The following TNNI1 variants were observed in gnomAD, a reference collection of about 807,000 sequenced individuals.
TNNI1 encodes troponin I, slow skeletal muscle.
A neutral mutation model predicts 26.7 loss-of-function variants in TNNI1; 14 were observed. The ratio of observed to expected loss-of-function variants is 0.52; its 90% CI spans 0.35 to 0.82. The LOEUF is 0.82. Ranked by LOEUF, TNNI1 falls within the 40% of genes least tolerant of loss-of-function variation. The pLI, the probability that TNNI1 is intolerant of heterozygous loss-of-function variation, is 0.01. For synonymous variants in TNNI1, 79 were observed against 98.2 expected (o/e 0.80, Z 1.16); for missense variants, 164 against 257.0 (o/e 0.64, Z 2.47).
chr1:201,417,692 G>T, intron 2 of TNNI1, 91 bp downstream of exon 2: 2 of 1,167,616 alleles, frequency 1.7e-6, no homozygotes, highest in Non-Finnish European at 2.2e-6. Context: ...AGCTTTGGGG[G>T]TTGAAAACAT....
chr1:201,419,981 C>T (rs536314797), intron 1 of TNNI1, among the ~76,000 whole-genome samples: 37 of 152,320 alleles, frequency 2.4e-4, no homozygotes, highest in South Asian at 1.7e-3. Context: ...CACCAGCTGG[C>T]GAAGAGCCAC....
In TNNI1 at chr1:201,415,575, A is replaced by AC. The variant is rs5780068; in HGVS notation, c.16-322dup. ...CTCATCTGTAAATAAGGATATTAGG[A>AC]CCCCCCCCCTTACTTAGTTCACAGA... On this transcript the variant is annotated intron_variant, in intron 3 of 8. Transcript: ENST00000361379. 5.9e-3 allele frequency among the ~76,000 whole-genome samples: 893 copies of AC among 151,164 alleles called. 6 individuals are homozygous for AC. Among genetic ancestry groups the AC allele is most frequent in the African/African-American group, 0.02 (834 of 41,070 alleles).
chr1:201,406,070 G>A lies in TNNI1; in HGVS notation c.*3183C>T, dbSNP rs1409368275. On this transcript the variant is annotated 3_prime_UTR_variant, in exon 9 of 9. Coordinates refer to ENST00000361379, the MANE Select transcript of TNNI1 (RefSeq NM_003281.4). ...TGGGGACTCCCCAGGTGCATATGCA[G>A]GACCCTCGACCCCCAGCTGTGTCCT... 1 of 152,346 alleles carries A rather than the reference G, an allele frequency of 6.6e-6. No individual in the cohort carries two copies. Among genetic ancestry groups the A allele is most frequent in the East Asian group, 1.9e-4 (1 of 5,188 alleles). 9.4% of individuals were successfully genotyped at this position (152,346 alleles called of 1,614,324 possible). A position where few individuals can be genotyped will look rare whatever the true frequency, so the allele number is the denominator to read the frequency against.
At chr1:201,417,711 C>A in intron 2 of TNNI1, 72 bp downstream of exon 2, 9 of 1,265,404 alleles carry the variant, frequency 7.1e-6, no homozygotes, top group African/African-American at 1.5e-5. Flanking sequence ...ATGGTGCCTC[C>A]ACTGCGGGGC....
intron 8 of TNNI1, 112 bp downstream of exon 8, chr1:201,410,214 A>C (rs1276775421): frequency 2.3e-6 from 2 of 863,214 alleles, no homozygotes; most frequent in Non-Finnish European, 1.9e-6. Flanking sequence ...TCGGTGCCTT[A>C]GTCCGTGCAT....
At chr1:201,410,258 A>T in intron 8 of TNNI1, 68 bp downstream of exon 8, 1 of 1,418,248 alleles carries the variant, frequency 7.1e-7, no homozygotes, top group African/African-American at 1.4e-5. Flanking sequence ...CCGCCTGCCC[A>T]TTGTGGACTC....
rs1366389352 is a variant in TNNI1, at chr1:201,411,411, C to T, written c.402G>A (p.Val134=). The change falls in exon 7 of 9, where the codon GTG becomes GTA. Residue 134 remains valine (V), a synonymous_variant. Transcript: ENST00000361379. This position sits in a 1 kb window ranked among gnomAD's most constrained non-coding sequence, Gnocchi z 4.6. Reference sequence around the variant, plus strand: ...TGAGGTTGGCCCGCAGATCCATGGACACCTTGTGCTTGGAGCCCAGCAGGG... The same window carrying T: ...TGAGGTTGGCCCGCAGATCCATGGATACCTTGTGCTTGGAGCCCAGCAGGG... ...LRALLGSKHK[V]SMDLRANLKS... 1.2e-6 allele frequency: 2 copies of T among 1,614,014 alleles called. No homozygotes were observed. The highest frequency in any genetic ancestry group is 1.7e-5 in the Admixed American group (1 of 59,998).
chr1:201,412,001 C>T (rs1368013867), intron 6 of TNNI1, among the ~76,000 whole-genome samples: 1 of 152,202 alleles, frequency 6.6e-6, no homozygotes, highest in Non-Finnish European at 1.5e-5. Context: ...GTTGGAGATC[C>T]CTGCTCTAGG....
chr1:201,417,643 A>G, intron 2 of TNNI1, 140 bp downstream of exon 2: 1 of 630,596 alleles, frequency 1.6e-6, no homozygotes, highest in Non-Finnish European at 2.4e-6. Flanking sequence ...GAAACCATCA[A>G]GTGCTGCCCC....
At chr1:201,415,636 A>G (rs796826215) in intron 3 of TNNI1, among the ~76,000 whole-genome samples, 2 of 152,184 alleles carry the variant, frequency 1.3e-5, no homozygotes, top group East Asian at 3.8e-4. Context: ...GGATGTGCAA[A>G]TCCTTTGAAA....
chr1:201,412,609 G>A (rs1262524223), intron 6 of TNNI1, among the ~76,000 whole-genome samples: 1 of 152,182 alleles, frequency 6.6e-6, no homozygotes, highest in Admixed American at 6.5e-5. Context: ...TGCAACCTAG[G>A]ACAAGTCTTT....
At position 201,411,236 on chromosome 1, in the gene TNNI1, G is replaced by T; in HGVS notation, c.456+121C>A. The T allele has an allele frequency of 1.0e-6, 1 of 1,004,402 alleles. No individual in the cohort carries two copies. 62.2% of individuals were successfully genotyped at this position (1,004,402 alleles called of 1,614,324 possible). A position where few individuals can be genotyped will look rare whatever the true frequency, so the allele number is the denominator to read the frequency against. ...CTCCCAAAGCATTCTAGAATGTTCTGTCTGTCAAGCTGACTGGTCTCCAAC... is the reference window on the plus strand; with the variant it reads ...CTCCCAAAGCATTCTAGAATGTTCTTTCTGTCAAGCTGACTGGTCTCCAAC... On this transcript the variant is annotated intron_variant, in intron 7 of 8. Transcript: ENST00000361379. The surrounding 1 kb of genome is among the most constrained non-coding windows in gnomAD (Gnocchi z 4.6).
chr1:201,414,800 G>T, intron 4 of TNNI1, 151 bp from the exon 5 acceptor site: 1 of 1,264,042 alleles, frequency 7.9e-7, no homozygotes, highest in Non-Finnish European at 1.1e-6. Flanking sequence ...CACCATGAGG[G>T]TACACCCAGT....
At chr1:201,412,833 G>T (rs148095701) in intron 6 of TNNI1, among the ~76,000 whole-genome samples, 199 bp downstream of exon 6, 2 of 152,350 alleles carry the variant, frequency 1.3e-5, no homozygotes, top group East Asian at 3.9e-4. Flanking sequence ...TAGGGAGGAA[G>T]TTTGTACTTT....
chr1:201,417,859 G>A lies in TNNI1; in HGVS notation c.-19-47C>T, dbSNP rs376334154. 9.7e-4 allele frequency: 1,265 copies of A among 1,297,840 alleles called. 2 individuals carry two copies. Among genetic ancestry groups the A allele is most frequent in the Non-Finnish European group, 1.2e-3 (1,201 of 1,009,414 alleles). 80.4% of individuals were successfully genotyped at this position (1,297,840 alleles called of 1,614,324 possible). A position where few individuals can be genotyped will look rare whatever the true frequency, so the allele number is the denominator to read the frequency against. Reference sequence around the variant, plus strand: ...TTCATAAGGGAAAGTGGAAACCCCTGCCCCTGCCCAGCTGGGCCTTGGGAG... The same window carrying A: ...TTCATAAGGGAAAGTGGAAACCCCTACCCCTGCCCAGCTGGGCCTTGGGAG... On this transcript the variant is annotated intron_variant, in intron 1 of 8. Coordinates refer to ENST00000361379, the MANE Select transcript of TNNI1 (RefSeq NM_003281.4).
At chr1:201,417,874 G>A (rs1030681343) in intron 1 of TNNI1, 62 bp from the exon 2 acceptor site, 1 of 1,247,162 alleles carries the variant, frequency 8.0e-7, no homozygotes, top group East Asian at 2.8e-5. Context: ...TGCCCAGCTG[G>A]GCCTTGGGAG....
rs1553294614 is a variant in TNNI1 at position 201,414,623 on chromosome 1, T to C, written c.84A>G (p.Glu28=). The C allele has an allele frequency of 6.8e-6, 11 of 1,613,862 alleles. No homozygotes were observed. The highest frequency in any genetic ancestry group is 7.6e-6 in the Non-Finnish European group (9 of 1,180,022). The stretch of plus-strand genomic sequence containing the variant: ...GCTCCTCGTGCTCCTGCTCCCAGCA[T>C]TCCTTGGCCTTGGCCAGCATCAGGC... ...LKSLMLAKAK[E]CWEQEHEERE... is the part of the protein sequence containing the mutation. Residue 28 remains glutamate, a synonymous_variant, in exon 5 of 9, where the codon GAA becomes GAG. Coordinates refer to ENST00000361379, the MANE Select transcript of TNNI1 (RefSeq NM_003281.4).
intron 5 of TNNI1, 95 bp downstream of exon 5, chr1:201,414,423 G>A: frequency 9.1e-7 from 1 of 1,095,060 alleles, no homozygotes; most frequent in Non-Finnish European, 1.3e-6. Flanking sequence ...GGAGCCTTGA[G>A]CTGGTGTTAG....
chr1:201,414,545 G>GCCT lies in TNNI1; in HGVS notation c.161_162insAGG (p.Thr54_Arg55insGly). ...GCAGGGCACTGAGGGACAGGCCACG[G>GCCT]GTCTGCAGCGTGGGGATGCGCTCTG... On this transcript the variant is annotated inframe_insertion, in exon 5 of 9. Transcript: ENST00000361379. 7 of 1,611,372 alleles carry GCCT rather than the reference G, an allele frequency of 4.3e-6. No homozygotes were observed. The highest frequency in any genetic ancestry group is 5.9e-6 in the Non-Finnish European group (7 of 1,179,176).
Sources: gnomAD v4.1 joint callset for allele counts (sites outside exome capture counted in the v4.1 genomes callset) on GRCh38, gnomAD v4.1.1 for gene constraint, Gnocchi (gnomAD v3.1) non-coding constraint, MANE v1.5 for transcripts, NCBI Gene and HGNC (gene_info 2026-07-23, HGNC 2026-07-21) for gene names.